URI1: variants seen among roughly 807,000 people sequenced by gnomAD.
URI1 encodes unconventional prefoldin RPB5 interactor 1.
A neutral mutation model predicts 60.2 loss-of-function variants in URI1; 39 were observed. The ratio of observed to expected loss-of-function variants is 0.65; its 90% CI spans 0.50 to 0.85. URI1 has a LOEUF of 0.85. URI1 is among the 40% of genes least tolerant of loss of function. The pLI is 0.00. For synonymous variants in URI1, 251 were observed against 236.8 expected (o/e 1.06, Z -0.55); for missense variants, 691 against 665.9 (o/e 1.04, Z -0.42).
chr19:30,004,357 G>A (rs1432809763), intron 4 of URI1: 2 of 152,002 alleles, frequency 1.3e-5, no homozygotes, highest in African/African-American at 2.4e-5. Context: ...TTCATATGTG[G>A]TGATATTTCA....
chr19:29,997,595 ACT>A (rs2055828186), intron 4 of URI1, among the ~76,000 whole-genome samples: 1 of 149,542 alleles, frequency 6.7e-6, no homozygotes, highest in Admixed American at 6.6e-5. Flanking sequence ...GGTTCAGTTT[ACT>A]CTTTCTTTTT....
At chr19:29,964,855 GT>G (rs1184124643) in intron 1 of URI1, among the ~76,000 whole-genome samples, 1,556 of 136,730 alleles carry the variant, frequency 0.011, 54 homozygotes, top group Admixed American at 0.069. Flanking sequence ...ATATTTTCCT[GT>G]TTTTTTTTTT....
chr19:29,924,685 G>A (rs2054850726), intron 1 of URI1, among the ~76,000 whole-genome samples: 1 of 152,192 alleles, frequency 6.6e-6, no homozygotes, highest in Non-Finnish European at 1.5e-5. Flanking sequence ...TGGCTGGAGT[G>A]TGTGTTGCAC....
intron 1 of URI1, among the ~76,000 whole-genome samples, chr19:29,959,229 A>G (rs150758899): frequency 0.011 from 1,712 of 152,088 alleles, 16 homozygotes; most frequent in Non-Finnish European, 0.017. Context: ...GGCTCAGGTG[A>G]TCCTCTCGCC....
chr19:29,978,337 T>C lies in URI1; in HGVS notation c.153-6886T>C, dbSNP rs529993985. 4.6e-5 allele frequency among the ~76,000 whole-genome samples: 7 copies of C among 152,278 alleles called. 1 individual carries two copies. In the South Asian group the frequency reaches 1.5e-3, roughly 32 times the overall value. ...TGACGACGTGTTTCCAGTGTCAATA[T>C]GGTTTGGTTCAGTTTCCCATGACCA... On this transcript the variant is annotated intron_variant, in intron 2 of 10. Transcript: ENST00000392271.
chr19:29,936,947 T>G (rs1016892750), intron 1 of URI1, among the ~76,000 whole-genome samples: 3 of 152,194 alleles, frequency 2.0e-5, no homozygotes, highest in Non-Finnish European at 4.4e-5. Context: ...AGATGGGGTT[T>G]CACCATGTTG....
At chr19:29,995,578 A>AGTG (rs1484278778) in intron 4 of URI1, among the ~76,000 whole-genome samples, 1 of 150,360 alleles carries the variant, frequency 6.7e-6, no homozygotes, top group African/African-American at 2.4e-5. Flanking sequence ...TGCCAGGTAG[A>AGTG]GTGCCCTTTT....
chr19:29,952,241 C>T (rs1367592808), intron 1 of URI1, among the ~76,000 whole-genome samples: 1 of 152,182 alleles, frequency 6.6e-6, no homozygotes, highest in African/African-American at 2.4e-5. Context: ...CAGCAGTTCT[C>T]TTTATATTAA....
chr19:29,937,166 C>T (rs2054980468), intron 1 of URI1, among the ~76,000 whole-genome samples: 1 of 152,312 alleles, frequency 6.6e-6, no homozygotes, highest in Admixed American at 6.5e-5. Flanking sequence ...TTTGATCTCT[C>T]TAGTGAATTT....
chr19:29,955,813 A>T (rs1438476042), intron 1 of URI1, among the ~76,000 whole-genome samples: 1 of 150,696 alleles, frequency 6.6e-6, no homozygotes, highest in Non-Finnish European at 1.5e-5. Context: ...CAGGTCTCAA[A>T]CTCCTGACCT....
chr19:29,925,169 A>T (rs1424383142), intron 1 of URI1, among the ~76,000 whole-genome samples: 2 of 152,234 alleles, frequency 1.3e-5, no homozygotes, highest in Non-Finnish European at 2.9e-5. Context: ...TTGCTTGGTT[A>T]GGCAGAGACA....
intron 4 of URI1, among the ~76,000 whole-genome samples, chr19:29,998,883 C>T (rs927277993): frequency 6.6e-6 from 1 of 151,698 alleles, no homozygotes; most frequent in Non-Finnish European, 1.5e-5. Context: ...TTTTTTGACT[C>T]ATTTCTATAT....
chr19:29,985,825 G>GTA (rs1479798712), intron 3 of URI1, among the ~76,000 whole-genome samples: 1 of 152,052 alleles, frequency 6.6e-6, no homozygotes, highest in East Asian at 1.9e-4. Context: ...CAAGTATTTT[G>GTA]TATATATAGC....
At chr19:29,931,654 G>A (rs2054918301) in intron 1 of URI1, among the ~76,000 whole-genome samples, 1 of 152,078 alleles carries the variant, frequency 6.6e-6, no homozygotes, top group South Asian at 2.1e-4. Flanking sequence ...AAGGCAAGAT[G>A]TTCTTCTGTA....
intron 5 of URI1, 83 bp from the exon 6 acceptor site, chr19:30,005,568 A>C: frequency 6.5e-7 from 1 of 1,532,184 alleles, no homozygotes; most frequent in Non-Finnish European, 8.9e-7. Context: ...CAGACATCTT[A>C]GGTTGAATAG....
chr19:29,997,581 T>C (rs944872365), intron 4 of URI1, among the ~76,000 whole-genome samples: 2 of 152,092 alleles, frequency 1.3e-5, no homozygotes, highest in Non-Finnish European at 2.9e-5. Context: ...TTCTGTTAGC[T>C]TTGGGTTCAG....
At chr19:29,966,826 G>C (rs996360203) in intron 1 of URI1, among the ~76,000 whole-genome samples, 2 of 152,186 alleles carry the variant, frequency 1.3e-5, no homozygotes, top group Non-Finnish European at 2.9e-5. Context: ...AATTTAGACA[G>C]CTCTGATTAG....
chr19:30,010,135 G>T (rs2055999177), intron 8 of URI1, among the ~76,000 whole-genome samples: 1 of 152,180 alleles, frequency 6.6e-6, no homozygotes. Context: ...AGAAGACATA[G>T]ATCTGGTTGG....
intron 10 of URI1, chr19:30,012,778 T>G (rs1212559905): frequency 2.7e-6 from 1 of 375,746 alleles, no homozygotes; most frequent in Non-Finnish European, 4.7e-6. Flanking sequence ...AATGTCTTAC[T>G]TGGCATTATG....
Sources: allele counts gnomAD v4.1 joint callset (sites outside exome capture counted in the v4.1 genomes callset), GRCh38; gene constraint gnomAD v4.1.1; transcripts MANE v1.5; gene names NCBI Gene and HGNC (gene_info 2026-07-23, HGNC 2026-07-21).